The following MAL variants were observed in gnomAD, a reference collection of about 807,000 sequenced individuals.
The protein encoded by MAL is mal, T cell differentiation protein (MAL blood group).
Under a neutral mutation model 16.7 loss-of-function variants are expected in MAL, and 5 were observed. The observed-to-expected ratio is 0.30, with a 90% confidence interval of 0.16 to 0.63. The LOEUF (loss-of-function observed/expected upper bound fraction) is 0.63, where lower values mean the gene tolerates loss of function less well. Ranked by LOEUF, MAL falls within the 30% of genes least tolerant of loss-of-function variation. MAL has a pLI of 0.82. For missense variants in MAL, 202 were observed against 195.8 expected (o/e 1.03, Z -0.19); for synonymous variants, 96 against 85.5 (o/e 1.12, Z -0.67).
intron 1 of MAL, among the ~76,000 whole-genome samples, chr2:95,039,591 G>A (rs1674389980): frequency 2.2e-5 from 3 of 138,044 alleles, no homozygotes; most frequent in Admixed American, 2.2e-4. Flanking sequence ...TGAGTGGGTG[G>A]GTGAGTGACT....
intron 1 of MAL, among the ~76,000 whole-genome samples, chr2:95,042,415 G>T (rs1674490298): frequency 6.6e-6 from 1 of 152,202 alleles, no homozygotes; most frequent in Non-Finnish European, 1.5e-5. Context: ...GGCTTTGGTG[G>T]TTTTTTTCTA....
At chr2:95,045,960 G>GC (rs1270776459) in intron 1 of MAL, among the ~76,000 whole-genome samples, 1 of 152,214 alleles carries the variant, frequency 6.6e-6, no homozygotes, top group Admixed American at 6.5e-5. Flanking sequence ...CATCCCACCG[G>GC]CCCTGCCACG....
chr2:95,036,107 G>T (rs905707005), intron 1 of MAL, among the ~76,000 whole-genome samples: 5 of 152,172 alleles, frequency 3.3e-5, no homozygotes, highest in Non-Finnish European at 7.3e-5. Context: ...TGGCATGAGG[G>T]GTCCCTCTGG....
intron 1 of MAL, among the ~76,000 whole-genome samples, chr2:95,028,274 G>A (rs1673995094): frequency 6.6e-6 from 1 of 151,624 alleles, no homozygotes; most frequent in Non-Finnish European, 1.5e-5. Flanking sequence ...AGTAAGCCGA[G>A]ATCATGCCGC....
At chr2:95,032,075 C>T (rs1424364402) in intron 1 of MAL, among the ~76,000 whole-genome samples, 1 of 152,252 alleles carries the variant, frequency 6.6e-6, no homozygotes, top group East Asian at 1.9e-4. Context: ...CCCCACCTCA[C>T]AGGGATGGGG....
In MAL at chr2:95,025,806, CG is replaced by C. The variant is rs1188944296; in HGVS notation, c.16del (p.Ala6ArgfsTer50). 1.3e-6 allele frequency: 2 copies of C among 1,558,720 alleles called. No individual in the cohort carries two copies. The highest frequency in any genetic ancestry group is 1.7e-6 in the Non-Finnish European group (2 of 1,152,792). MAPAAATGGSTLPSG... is the reference protein window; with the variant it reads MAPAXATGGSTLPSG... ...CAGCACGCCGTCATGGCCCCCGCAG[CG>C]GCGACGGGGGGCAGCACCCTGCCCA... On this transcript the variant is annotated frameshift_variant, in exon 1 of 4. Coordinates refer to ENST00000309988, the MANE Select transcript of MAL (RefSeq NM_002371.4). LOFTEE classifies it high-confidence loss of function. The surrounding 1 kb of genome is among the most constrained non-coding windows in gnomAD (Gnocchi z 5.6).
intron 2 of MAL, among the ~76,000 whole-genome samples, chr2:95,048,382 C>A (rs1262974385): frequency 2.0e-5 from 3 of 152,178 alleles, no homozygotes; most frequent in East Asian, 1.9e-4. Context: ...CATGGATAAC[C>A]AGCTGCCCAG....
intron 1 of MAL, among the ~76,000 whole-genome samples, chr2:95,027,700 GTT>G (rs895364986): frequency 3.6e-5 from 5 of 139,652 alleles, no homozygotes; most frequent in African/African-American, 6.7e-5. Context: ...CCCCGGGAGA[GTT>G]TTTGTTTTTG....
rs538362107 is a variant in MAL at position 95,041,934 on chromosome 2, C to T, written c.94-6025C>T. Among the ~76,000 whole-genome samples the T allele has an allele frequency of 1.1e-4, 16 of 152,252 alleles. 1 individual carries two copies. The East Asian group carries it at 2.5e-3, about 24-fold the overall frequency. ...GAGAAGCTCAACTCTGCTAACCCCC[C>T]GACAACTGGACAGAATTAAAGATGG... On this transcript the variant is annotated intron_variant, in intron 1 of 3. Coordinates refer to ENST00000309988, the MANE Select transcript of MAL (RefSeq NM_002371.4).
At chr2:95,050,383 T>A (rs1674691925) in intron 3 of MAL, among the ~76,000 whole-genome samples, 1 of 152,248 alleles carries the variant, frequency 6.6e-6, no homozygotes, top group African/African-American at 2.4e-5. Flanking sequence ...AAAACATGCT[T>A]CTGACCATGG....
At chr2:95,045,455 C>G (rs1251692451) in intron 1 of MAL, among the ~76,000 whole-genome samples, 2 of 152,178 alleles carry the variant, frequency 1.3e-5, no homozygotes, top group African/African-American at 4.8e-5. Context: ...TCTCCTGGTC[C>G]CCACCAGTGA....
chr2:95,038,596 CTGAG>C (rs1171509952), intron 1 of MAL, among the ~76,000 whole-genome samples: 69 of 55,152 alleles, frequency 1.3e-3, no homozygotes, highest in African/African-American at 5.0e-3. Context: ...GACTGAGTGA[CTGAG>C]TGGGTGAGTG....
chr2:95,029,442 CTGAGATT>C (rs1452193882), intron 1 of MAL, among the ~76,000 whole-genome samples: 5 of 152,236 alleles, frequency 3.3e-5, no homozygotes, highest in African/African-American at 1.2e-4. Flanking sequence ...ACATTATGTT[CTGAGATT>C]TATACATGTT....
intron 1 of MAL, among the ~76,000 whole-genome samples, chr2:95,030,705 G>A (rs558311544): frequency 5.2e-4 from 79 of 152,306 alleles, no homozygotes; most frequent in Non-Finnish European, 1.0e-3. Flanking sequence ...GAGGAATGCC[G>A]CCCAGCCCTC....
rs777861979 is a variant in MAL, at chr2:95,025,825, C to A, written c.33C>A (p.Thr11=). 2.5e-6 allele frequency: 4 copies of A among 1,576,286 alleles called. No individual in the cohort carries two copies. The Admixed American group carries it at 5.4e-5, about 21-fold the overall frequency. ...CCGCAGCGGCGACGGGGGGCAGCAC[C>A]CTGCCCAGTGGCTTCTCGGTCTTCA... The part of the protein sequence containing the change: MAPAAATGGS[T]LPSGFSVFTT... Residue 11 remains threonine (T), a synonymous_variant, in exon 1 of 4, where the codon ACC becomes ACA. Coordinates refer to ENST00000309988, the MANE Select transcript of MAL (RefSeq NM_002371.4). The surrounding 1 kb of genome is among the most constrained non-coding windows in gnomAD (Gnocchi z 5.6).
intron 1 of MAL, among the ~76,000 whole-genome samples, chr2:95,037,656 GTGAGTGACTGAC>G (rs1358881274): frequency 2.6e-5 from 4 of 151,338 alleles, no homozygotes; most frequent in Non-Finnish European, 2.9e-5. Context: ...AAGCGAGTGA[GTGAGTGACTGAC>G]TGAGTGACTG....
At chr2:95,040,338 C>G (rs537017111) in intron 1 of MAL, among the ~76,000 whole-genome samples, 76 of 152,216 alleles carry the variant, frequency 5.0e-4, no homozygotes, top group African/African-American at 1.8e-3. Context: ...GAAGTACACA[C>G]ATGTGCATAC....
At position 95,053,690 on chromosome 2, in the gene MAL, G is replaced by A. The variant is rs1674771743; in HGVS notation, c.*235G>A. The A allele has an allele frequency of 3.6e-6, 2 of 551,202 alleles. No homozygotes were observed. Among genetic ancestry groups the A allele is most frequent in the African/African-American group, 3.8e-5 (2 of 52,968 alleles). The allele number at this position is 551,202 out of a possible 1,614,324, so 34.1% of individuals were successfully genotyped here. A position where few individuals can be genotyped will look rare whatever the true frequency, so the allele number is the denominator to read the frequency against. Reference sequence around the variant, plus strand: ...GCTGTGTCTAACCTCCAACTGCTGTGCTGTCTGCTAGGGTCACCTCCTGTT... The same window carrying A: ...GCTGTGTCTAACCTCCAACTGCTGTACTGTCTGCTAGGGTCACCTCCTGTT... On this transcript the variant is annotated 3_prime_UTR_variant, in exon 4 of 4. Transcript: ENST00000309988.
chr2:95,053,343 T>TAC (rs2104365978), intron 3 of MAL, 38 bp from the exon 4 acceptor site: 2 of 1,444,698 alleles, frequency 1.4e-6, no homozygotes, highest in Middle Eastern at 2.0e-4. Context: ...TCGCCCTCCC[T>TAC]ACACAAACCC....
Sources: gnomAD v4.1 joint callset for allele counts (sites outside exome capture counted in the v4.1 genomes callset) on GRCh38, gnomAD v4.1.1 for gene constraint, Gnocchi (gnomAD v3.1) non-coding constraint, MANE v1.5 for transcripts, NCBI Gene and HGNC (gene_info 2026-07-23, HGNC 2026-07-21) for gene names.